REC114: variants seen among roughly 807,000 people sequenced by gnomAD.
The protein encoded by REC114 is REC114 meiotic recombination protein, also known as meiotic recombination protein REC114.
A neutral mutation model predicts 31.3 loss-of-function variants in REC114; 27 were observed. The ratio of observed to expected loss-of-function variants is 0.86; its 90% CI spans 0.64 to 1.19. The LOEUF is 1.19. Ranked by LOEUF, REC114 falls within the 50% of genes most tolerant of loss-of-function variation. The probability of loss-of-function intolerance (pLI) is 0.00; values close to 1 mark genes in which losing one functional copy is unlikely to be tolerated. For synonymous variants in REC114, 134 were observed against 127.7 expected (o/e 1.05, Z -0.33); for missense variants, 344 against 326.9 (o/e 1.05, Z -0.40).
intron 2 of REC114, among the ~76,000 whole-genome samples, chr15:73,493,882 C>CA (rs1893480043): frequency 6.6e-6 from 1 of 152,222 alleles, no homozygotes. Flanking sequence ...CGCTGCATTA[C>CA]ACATTCTAGG....
At chr15:73,463,889 ATCT>A (rs201554436) in intron 1 of REC114, among the ~76,000 whole-genome samples, 2,595 of 152,142 alleles carry the variant, frequency 0.017, 42 homozygotes, top group Non-Finnish European at 0.03. Context: ...AGCTTTTAAG[ATCT>A]TCTTCTATCC....
chr15:73,463,820 AAAAG>A (rs1347570751), intron 1 of REC114, among the ~76,000 whole-genome samples: 1 of 152,154 alleles, frequency 6.6e-6, no homozygotes, highest in African/African-American at 2.4e-5. Flanking sequence ...GGAAAAAAAA[AAAAG>A]AGTTGGTTCC....
In REC114 at chr15:73,559,174, A is replaced by C. The variant is rs533693309; in HGVS notation, c.637-578A>C. Among the ~76,000 whole-genome samples, 5 of 152,366 alleles carry C rather than the reference A, an allele frequency of 3.3e-5. No individual in the cohort carries two copies. The East Asian group carries it at 9.6e-4, about 29-fold the overall frequency. On this transcript the variant is annotated intron_variant, in intron 5 of 5. Coordinates refer to ENST00000331090, the MANE Select transcript of REC114 (RefSeq NM_001042367.2). Reference sequence around the variant, plus strand: ...GGTTAGCACAAGGGTCACATAAAGGAATTTTTTTGGGAAGTGAAAGAAATG... The same window carrying C: ...GGTTAGCACAAGGGTCACATAAAGGCATTTTTTTGGGAAGTGAAAGAAATG...
chr15:73,545,100 C>T (rs1244910213), intron 3 of REC114, among the ~76,000 whole-genome samples: 3 of 152,162 alleles, frequency 2.0e-5, no homozygotes, highest in Admixed American at 6.5e-5. Flanking sequence ...TGTGAGTACA[C>T]GTAGATAAGT....
chr15:73,468,682 T>G (rs1027084931), intron 1 of REC114, among the ~76,000 whole-genome samples: 1 of 150,766 alleles, frequency 6.6e-6, no homozygotes, highest in Non-Finnish European at 1.5e-5. Flanking sequence ...GCTGTAGTTT[T>G]TTTTTTTTTT....
intron 4 of REC114, 23 bp from the exon 5 acceptor site, chr15:73,556,279 T>C: frequency 6.2e-7 from 1 of 1,601,686 alleles, no homozygotes; most frequent in Non-Finnish European, 8.5e-7. Flanking sequence ...CTAGTCTCCT[T>C]ATTGCATGTT....
At chr15:73,540,820 C>G (rs1261752497) in intron 3 of REC114, among the ~76,000 whole-genome samples, 1 of 152,162 alleles carries the variant, frequency 6.6e-6, no homozygotes, top group African/African-American at 2.4e-5. Context: ...TGCAGCCATT[C>G]TCTATCCCCC....
intron 1 of REC114, among the ~76,000 whole-genome samples, chr15:73,444,289 CT>C (rs1328550777): frequency 1.3e-5 from 2 of 152,210 alleles, no homozygotes; most frequent in East Asian, 3.8e-4. Flanking sequence ...GCATGCAATG[CT>C]GTTTAATGGC....
At chr15:73,476,927 G>A (rs1893222975) in intron 2 of REC114, among the ~76,000 whole-genome samples, 1 of 152,188 alleles carries the variant, frequency 6.6e-6, no homozygotes, top group Non-Finnish European at 1.5e-5. Flanking sequence ...GTGTGTCTGT[G>A]TTTAACTTTA....
At chr15:73,453,773 G>A (rs1010966888) in intron 1 of REC114, among the ~76,000 whole-genome samples, 1 of 152,144 alleles carries the variant, frequency 6.6e-6, no homozygotes. Context: ...TATACATCAT[G>A]GAATACTATG....
intron 2 of REC114, among the ~76,000 whole-genome samples, chr15:73,515,045 T>C (rs1893838873): frequency 6.6e-6 from 1 of 151,780 alleles, no homozygotes; most frequent in African/African-American, 2.4e-5. Flanking sequence ...ACTCAAGTGA[T>C]CCTCCTGCCT....
Sources: gnomAD v4.1 joint callset for allele counts (sites outside exome capture counted in the v4.1 genomes callset) on GRCh38, gnomAD v4.1.1 for gene constraint, MANE v1.5 for transcripts, NCBI Gene and HGNC (gene_info 2026-07-23, HGNC 2026-07-21) for gene names.